PDE4D: variants seen among roughly 807,000 people sequenced by gnomAD.
PDE4D encodes the protein 3',5'-cyclic-AMP phosphodiesterase 4D.
Under a neutral mutation model 87.4 loss-of-function variants are expected in PDE4D, and 24 were observed. The observed-to-expected ratio is 0.27, with a 90% confidence interval of 0.20 to 0.39. The LOEUF (loss-of-function observed/expected upper bound fraction) is 0.39, where lower values mean the gene tolerates loss of function less well. PDE4D is among the 10% of genes least tolerant of loss of function. The pLI is 1.00. For synonymous variants in PDE4D, 384 were observed against 383.2 expected, an observed-to-expected ratio of 1.00 and a Z score of -0.02; for missense variants, 714 against 1,041.0, an observed-to-expected ratio of 0.69 and a Z score of 4.32.
intron 1 of PDE4D, among the ~76,000 whole-genome samples, chr5:59,478,273 T>G (rs1410219736): frequency 2.6e-5 from 4 of 152,118 alleles, no homozygotes; most frequent in Non-Finnish European, 5.9e-5. Flanking sequence ...TTTACATCTA[T>G]TTTTTCAGGC....
At chr5:59,691,743 C>A (rs1248269967) in intron 1 of PDE4D, among the ~76,000 whole-genome samples, 2 of 150,970 alleles carry the variant, frequency 1.3e-5, no homozygotes, top group Admixed American at 1.3e-4. Flanking sequence ...GGAAAAGAGA[C>A]AGAGCCAAAC....
At chr5:60,178,441 A>G (rs1476592253) in intron 2 of PDE4D, among the ~76,000 whole-genome samples, 1 of 152,176 alleles carries the variant, frequency 6.6e-6, no homozygotes, top group Non-Finnish European at 1.5e-5. Flanking sequence ...GCAAAGAAAA[A>G]AAAACAATTG....
chr5:58,970,160 A>G lies in PDE4D; in HGVS notation c.*4504T>C, dbSNP rs912686307. ...GTACAGTACTATCCCCGTGGGCTGT[A>G]AGAGAGGCTAAGAAACCACTAAAAG... is the stretch of plus-strand genomic sequence containing the variant. On this transcript the variant is annotated 3_prime_UTR_variant, in exon 15 of 15. Coordinates refer to ENST00000340635, the MANE Select transcript of PDE4D (RefSeq NM_001104631.2). The G allele has an allele frequency of 2.6e-5, 4 of 152,184 alleles. No individual in the cohort carries two copies. Among genetic ancestry groups the G allele is most frequent in the African/African-American group, 9.6e-5 (4 of 41,456 alleles). 9.4% of individuals were successfully genotyped at this position (152,184 alleles called of 1,614,324 possible).
intron 1 of PDE4D, among the ~76,000 whole-genome samples, chr5:60,198,368 A>T (rs1741525492): frequency 6.6e-6 from 1 of 151,578 alleles, no homozygotes; most frequent in Non-Finnish European, 1.5e-5. Context: ...AGAGATGAAG[A>T]GACAAAACTA....
At chr5:60,266,113 T>C (rs1750180789) in intron 1 of PDE4D, among the ~76,000 whole-genome samples, 1 of 152,044 alleles carries the variant, frequency 6.6e-6, no homozygotes, top group Middle Eastern at 3.4e-3. Flanking sequence ...GGAGCAGACA[T>C]TTACAAGGGC....
chr5:60,374,836 T>C (rs1283140993), intron 1 of PDE4D, among the ~76,000 whole-genome samples: 1 of 152,236 alleles, frequency 6.6e-6, no homozygotes, highest in Non-Finnish European at 1.5e-5. Context: ...TTTCATGTTA[T>C]ATAATATGCT....
At chr5:59,337,351 T>TTTA (rs1297148497) in intron 1 of PDE4D, among the ~76,000 whole-genome samples, 1 of 144,448 alleles carries the variant, frequency 6.9e-6, no homozygotes, top group Non-Finnish European at 1.5e-5. Context: ...TTTTTTTTTT[T>TTTA]GACACGGAGT....
intron 5 of PDE4D, among the ~76,000 whole-genome samples, chr5:59,150,899 G>A (rs1779382084): frequency 1.3e-5 from 2 of 152,104 alleles, no homozygotes; most frequent in African/African-American, 4.8e-5. Context: ...ACAAACTCAG[G>A]CAATGAGAAA....
intron 1 of PDE4D, among the ~76,000 whole-genome samples, chr5:59,610,486 C>T (rs1436147373): frequency 3.3e-5 from 5 of 152,190 alleles, no homozygotes; most frequent in Admixed American, 2.6e-4. Flanking sequence ...AAATCCTCTT[C>T]ACCAGGATCT....
chr5:59,315,542 A>G (rs1350315216), intron 1 of PDE4D, among the ~76,000 whole-genome samples: 1 of 152,178 alleles, frequency 6.6e-6, no homozygotes, highest in African/African-American at 2.4e-5. Context: ...GTCAGGAGAC[A>G]GTCAAATGAC....
rs141916639 is a variant in PDE4D, at chr5:59,520,360, A to C, written c.456-304392T>G. 7.9e-3 allele frequency among the ~76,000 whole-genome samples: 1,197 copies of C among 152,308 alleles called. 11 individuals are homozygous for C. Among genetic ancestry groups the C allele is most frequent in the South Asian group, 0.02 (98 of 4,830 alleles). ...TGTCAGTGACTGGCAATCATGCCTT[A>C]TTCATCTGTAAACCTTACTGACCAC... On this transcript the variant is annotated intron_variant, in intron 1 of 14. Transcript: ENST00000340635.
intron 2 of PDE4D, among the ~76,000 whole-genome samples, chr5:60,107,332 C>A (rs570305665): frequency 6.4e-4 from 97 of 152,150 alleles, no homozygotes; most frequent in Non-Finnish European, 9.9e-4. Context: ...TCTGAATAGA[C>A]CAATAACAGG....
chr5:59,393,953 A>G lies in PDE4D; in HGVS notation c.456-177985T>C, dbSNP rs570043027. On this transcript the variant is annotated intron_variant, in intron 1 of 14. Transcript: ENST00000340635. ...GCTCTTGAAAACAAGTTCATTCTAT[A>G]AGGGTTAGAAATAGTATTTTTTATC... 7.9e-5 allele frequency among the ~76,000 whole-genome samples: 12 copies of G among 152,356 alleles called. No individual in the cohort carries two copies. The South Asian group carries it at 2.5e-3, about 32-fold the overall frequency.
At chr5:58,976,593 A>G in intron 12 of PDE4D, 121 bp from the exon 13 acceptor site, 1 of 779,212 alleles carries the variant, frequency 1.3e-6, no homozygotes, top group Non-Finnish European at 2.0e-6. Flanking sequence ...TGACAGTGGA[A>G]AATCCTTACT....
intron 1 of PDE4D, among the ~76,000 whole-genome samples, chr5:59,480,562 A>T (rs1804083920): frequency 6.6e-6 from 1 of 152,258 alleles, no homozygotes; most frequent in African/African-American, 2.4e-5. Flanking sequence ...CTGTAGTCAC[A>T]TCATCATGGC....
At chr5:59,855,438 G>A (rs140484968) in intron 1 of PDE4D, among the ~76,000 whole-genome samples, 1 of 152,268 alleles carries the variant, frequency 6.6e-6, no homozygotes, top group East Asian at 1.9e-4. Context: ...AACCTCAAGA[G>A]TGTATGTCAC....
In PDE4D at chr5:59,576,326, G is replaced by T. The variant is rs79554062; in HGVS notation, c.455+316842C>A. Among the ~76,000 whole-genome samples, 457 of 152,190 alleles carry T rather than the reference G, an allele frequency of 3.0e-3. 15 individuals are homozygous for T. The highest frequency in any genetic ancestry group is 5.6e-3 in the East Asian group (29 of 5,184). On this transcript the variant is annotated intron_variant, in intron 1 of 14. Coordinates refer to ENST00000340635, the MANE Select transcript of PDE4D (RefSeq NM_001104631.2). ...GACTTGGGGGATGATTAAGTAAAAT[G>T]ATGTCTATAAAAAAATTAGTCTATA... is the stretch of plus-strand genomic sequence containing the variant.
At chr5:60,029,430 G>A (rs546968531) in intron 2 of PDE4D, among the ~76,000 whole-genome samples, 11 of 152,214 alleles carry the variant, frequency 7.2e-5, no homozygotes, top group Non-Finnish European at 1.0e-4. Context: ...GTAAGTTCCC[G>A]CTTCCAGTCT....
chr5:60,498,135 C>T (rs1561316696), intron 1 of PDE4D, among the ~76,000 whole-genome samples: 1 of 151,494 alleles, frequency 6.6e-6, no homozygotes, highest in Non-Finnish European at 1.5e-5. Flanking sequence ...GGAGGAACAT[C>T]CCCAGAACCA....
Sources: gnomAD v4.1 joint callset for allele counts (sites outside exome capture counted in the v4.1 genomes callset) on GRCh38, gnomAD v4.1.1 for gene constraint, MANE v1.5 for transcripts, NCBI Gene and HGNC (gene_info 2026-07-23, HGNC 2026-07-21) for gene names.